The following GABRG3 variants were observed in gnomAD, a reference collection of about 807,000 sequenced individuals.
The protein encoded by GABRG3 is gamma-aminobutyric acid receptor subunit gamma-3.
In GABRG3, 25 loss-of-function variants were observed where a neutral mutation model predicts 48.8. That is an observed-to-expected ratio of 0.51 (90% CI 0.37 to 0.72). The LOEUF is 0.72. Ranked by LOEUF, GABRG3 falls within the 30% of genes least tolerant of loss-of-function variation. GABRG3 has a pLI of 0.00. For synonymous variants in GABRG3, 227 were observed against 217.6 expected, an observed-to-expected ratio of 1.04 and a Z score of -0.38; for missense variants, 394 against 577.9, an observed-to-expected ratio of 0.68 and a Z score of 3.26.
At chr15:27,196,357 C>A (rs1443011245) in intron 3 of GABRG3, among the ~76,000 whole-genome samples, 4 of 152,174 alleles carry the variant, frequency 2.6e-5, no homozygotes, top group Admixed American at 2.6e-4. Flanking sequence ...TCTCTCCAGG[C>A]CCCTGCCCGA....
chr15:27,451,102 C>G (rs1566846398), intron 5 of GABRG3, among the ~76,000 whole-genome samples: 2 of 152,104 alleles, frequency 1.3e-5, no homozygotes, highest in South Asian at 4.1e-4. Context: ...AACGTTCATA[C>G]TACCCAAAGT....
intron 3 of GABRG3, among the ~76,000 whole-genome samples, chr15:27,101,547 A>T (rs1477066751): frequency 1.3e-5 from 2 of 152,206 alleles, no homozygotes; most frequent in Non-Finnish European, 2.9e-5. Context: ...TATATTATAT[A>T]GCTACATAAT....
intron 5 of GABRG3, among the ~76,000 whole-genome samples, chr15:27,389,481 C>T (rs565366513): frequency 2.6e-5 from 4 of 152,252 alleles, no homozygotes; most frequent in East Asian, 3.9e-4. Flanking sequence ...CTGTTATCTG[C>T]GGTGAAATGG....
At chr15:27,044,945 C>T (rs1275103566) in intron 3 of GABRG3, among the ~76,000 whole-genome samples, 4 of 152,226 alleles carry the variant, frequency 2.6e-5, no homozygotes, top group African/African-American at 9.6e-5. Context: ...GAGCTTATTA[C>T]ACACAGCTGG....
intron 5 of GABRG3, among the ~76,000 whole-genome samples, chr15:27,452,116 G>A (rs556828356): frequency 6.6e-6 from 1 of 152,294 alleles, no homozygotes; most frequent in South Asian, 2.1e-4. Context: ...ATGAACAACA[G>A]GCATATGAAA....
intron 2 of GABRG3, among the ~76,000 whole-genome samples, chr15:27,023,315 A>G (rs1282352262): frequency 6.6e-6 from 1 of 152,212 alleles, no homozygotes; most frequent in South Asian, 2.1e-4. Flanking sequence ...TAAAATACAC[A>G]TAACATGAAA....
rs1021437156 is a variant in GABRG3, at chr15:27,282,945, G to T, written c.271-43864G>T. ...ATTCCTAACAGAAGGTGGTGGAGAC[G>T]GTTCAGGCTACCCTTGGCTCCCTCT... On this transcript the variant is annotated intron_variant, in intron 3 of 9. Transcript: ENST00000615808. Among the ~76,000 whole-genome samples, 3 of 152,202 alleles carry T rather than the reference G, an allele frequency of 2.0e-5. No individual in the cohort carries two copies. In the South Asian group the frequency reaches 6.2e-4, roughly 32 times the overall value.
chr15:27,082,974 G>A (rs911111873), intron 3 of GABRG3, among the ~76,000 whole-genome samples: 9 of 152,268 alleles, frequency 5.9e-5, no homozygotes, highest in African/African-American at 1.4e-4. Flanking sequence ...AGTTTTCTCC[G>A]TTAACCATTT....
At position 27,100,722 on chromosome 15, in the gene GABRG3, AT is replaced by A. The variant is rs373674933; in HGVS notation, c.270+73902del. Among the ~76,000 whole-genome samples the A allele has an allele frequency of 2.6e-3, 402 of 152,356 alleles. 1 individual carries two copies. Among genetic ancestry groups the A allele is most frequent in the African/African-American group, 9.4e-3 (389 of 41,580 alleles). Reference sequence around the variant, plus strand: ...CCATATTACAGGCAAAAGAAAAAAAATCATACAATTATATCATTTTATGCGA... The same window carrying A: ...CCATATTACAGGCAAAAGAAAAAAAACATACAATTATATCATTTTATGCGA... On this transcript the variant is annotated intron_variant, in intron 3 of 9. Transcript: ENST00000615808.
chr15:27,185,821 T>A (rs1318831170), intron 3 of GABRG3, among the ~76,000 whole-genome samples: 3 of 152,112 alleles, frequency 2.0e-5, no homozygotes, highest in Non-Finnish European at 2.9e-5. Context: ...CTCTGATGTC[T>A]ACTTCATGAA....
intron 3 of GABRG3, among the ~76,000 whole-genome samples, chr15:27,276,015 T>C (rs1891240876): frequency 6.6e-6 from 1 of 152,244 alleles, no homozygotes; most frequent in Admixed American, 6.5e-5. Context: ...TGCATGATCC[T>C]GCAGGACCAC....
At chr15:27,284,622 T>G (rs1295825384) in intron 3 of GABRG3, among the ~76,000 whole-genome samples, 3 of 152,172 alleles carry the variant, frequency 2.0e-5, no homozygotes, top group Admixed American at 2.0e-4. Context: ...GAGAAAGCTG[T>G]GGGCACTTGG....
intron 3 of GABRG3, among the ~76,000 whole-genome samples, chr15:27,219,440 A>T (rs907674915): frequency 6.6e-6 from 1 of 152,186 alleles, no homozygotes; most frequent in African/African-American, 2.4e-5. Context: ...ACTGAGTGAG[A>T]CACATTCTGT....
At chr15:26,999,750 T>C (rs1243172434) in intron 2 of GABRG3, among the ~76,000 whole-genome samples, 1 of 152,130 alleles carries the variant, frequency 6.6e-6, no homozygotes, top group Non-Finnish European at 1.5e-5. Flanking sequence ...CAATTGCACA[T>C]ATTTTGTGGT....
chr15:27,241,975 G>A (rs1248432468), intron 3 of GABRG3, among the ~76,000 whole-genome samples: 1 of 152,138 alleles, frequency 6.6e-6, no homozygotes, highest in African/African-American at 2.4e-5. Flanking sequence ...CCATACAAGT[G>A]GTTATTCTTC....
intron 3 of GABRG3, among the ~76,000 whole-genome samples, chr15:27,246,533 A>G (rs1440671835): frequency 6.6e-6 from 1 of 152,322 alleles, no homozygotes; most frequent in East Asian, 1.9e-4. Context: ...ATAAAACATT[A>G]TCTACAAAAC....
At chr15:26,972,609 G>A (rs1894867644) in intron 1 of GABRG3, among the ~76,000 whole-genome samples, 1 of 152,164 alleles carries the variant, frequency 6.6e-6, no homozygotes, top group Non-Finnish European at 1.5e-5. Flanking sequence ...GGGTCTGGGA[G>A]CTAGAGAATC....
intron 2 of GABRG3, among the ~76,000 whole-genome samples, chr15:26,979,166 G>A (rs1256200909): frequency 6.6e-6 from 1 of 152,058 alleles, no homozygotes; most frequent in Non-Finnish European, 1.5e-5. Context: ...ATTGATTTTG[G>A]TATGTTGATG....
chr15:27,410,612 G>A (rs1033201013), intron 5 of GABRG3, among the ~76,000 whole-genome samples: 1 of 152,124 alleles, frequency 6.6e-6, no homozygotes, highest in Non-Finnish European at 1.5e-5. Flanking sequence ...TCCTTCTGGT[G>A]AATCCAAGGT....
Sources: allele counts gnomAD v4.1 joint callset (sites outside exome capture counted in the v4.1 genomes callset), GRCh38; gene constraint gnomAD v4.1.1; transcripts MANE v1.5; gene names NCBI Gene and HGNC (gene_info 2026-07-23, HGNC 2026-07-21).